The following FGF13 variants were observed in gnomAD, a reference collection of about 807,000 sequenced individuals.
FGF13 encodes fibroblast growth factor homologous factor 2.
A neutral mutation model predicts 19.5 loss-of-function variants in FGF13; 2 were observed. That is an observed-to-expected ratio of 0.10 (90% CI 0.04 to 0.32). The LOEUF (loss-of-function observed/expected upper bound fraction) is 0.32. Among genes scored for constraint, FGF13 ranks in the 10% least tolerant of loss-of-function variants. The pLI is 1.00. For synonymous variants in FGF13, 72 were observed against 76.9 expected, an observed-to-expected ratio of 0.94 and a Z score of 0.33; for missense variants, 113 against 192.7, an observed-to-expected ratio of 0.59 and a Z score of 2.45.
At chrX:138,719,884 T>C (rs750088180) in intron 1 of FGF13, among the ~76,000 whole-genome samples, 2 of 113,135 alleles carry the variant, frequency 1.8e-5, no homozygotes, top group Non-Finnish European at 3.7e-5. Context: ...TAGAAACTGA[T>C]TTCCTAACAG....
chrX:138,735,011 C>T (rs763088339), intron 1 of FGF13, among the ~76,000 whole-genome samples: 1 of 111,993 alleles, frequency 8.9e-6, no homozygotes, highest in African/African-American at 3.2e-5. Flanking sequence ...GCTTTGCTTA[C>T]AGAATAACAT....
At chrX:139,121,364 G>T (rs1344560473) in intron 1 of FGF13, among the ~76,000 whole-genome samples, 2 of 111,087 alleles carry the variant, frequency 1.8e-5, no homozygotes, top group African/African-American at 3.3e-5. Context: ...CTACCTATAC[G>T]ATCGTGAGCA....
chrX:138,914,016 C>T (rs2091605593), intron 1 of FGF13, among the ~76,000 whole-genome samples: 2 of 109,628 alleles, frequency 1.8e-5, no homozygotes, highest in Non-Finnish European at 3.8e-5. Flanking sequence ...AATTCCTCCC[C>T]TTCCGGGCCT....
chrX:138,666,736 A>G (rs775449689), intron 3 of FGF13, among the ~76,000 whole-genome samples: 3 of 111,278 alleles, frequency 2.7e-5, no homozygotes, highest in Non-Finnish European at 3.8e-5. Flanking sequence ...TTCAATTATC[A>G]TATATGAACA....
downstream of FGF13, chrX:138,857,492 C>G: frequency 8.6e-7 from 1 of 1,156,387 alleles, no homozygotes; most frequent in Admixed American, 2.6e-5. Context: ...AAGCAAAACA[C>G]GCGTCTGTCG....
rs186177975 is a variant in FGF13, at chrX:138,811,503, G to C, written c.217+46009C>G. Among the ~76,000 whole-genome samples, 12 of 110,585 alleles carry C rather than the reference G, an allele frequency of 1.1e-4. No homozygotes were observed. The East Asian group carries it at 3.4e-3, about 32-fold the overall frequency. On this transcript the variant is annotated intron_variant, in intron 3 of 6. Transcript: ENST00000436198. Reference sequence around the variant, plus strand: ...GAGATATACCTAATGTAAATGACGAGTTAATGGGTGCAGCACACCAACATG... The same window carrying C: ...GAGATATACCTAATGTAAATGACGACTTAATGGGTGCAGCACACCAACATG...
chrX:138,695,855 A>C (rs779828639), intron 3 of FGF13, among the ~76,000 whole-genome samples: 59 of 112,486 alleles, frequency 5.2e-4, no homozygotes, highest in African/African-American at 1.9e-3. Context: ...GTGTATAAGA[A>C]AAATGGAATA....
intron 3 of FGF13, chrX:138,806,629 C>G (rs2090870153): frequency 8.9e-6 from 1 of 112,064 alleles, no homozygotes; most frequent in African/African-American, 3.3e-5. Context: ...AATGTGGTCT[C>G]TATAAAACGC....
chrX:139,002,712 C>A (rs970482752), intron 1 of FGF13, among the ~76,000 whole-genome samples: 1 of 111,266 alleles, frequency 9.0e-6, no homozygotes, highest in African/African-American at 3.3e-5. Flanking sequence ...GGACACCAAT[C>A]AGAGTTGTGA....
intron 1 of FGF13, among the ~76,000 whole-genome samples, chrX:139,177,002 C>T (rs2084191986): frequency 9.0e-6 from 1 of 111,200 alleles, no homozygotes; most frequent in Non-Finnish European, 1.9e-5. Context: ...CTAATATTGA[C>T]AGTGAGGTGT....
intron 3 of FGF13, among the ~76,000 whole-genome samples, chrX:138,673,195 A>G (rs7061749): frequency 0.047 from 5,268 of 111,167 alleles, 279 homozygotes; most frequent in African/African-American, 0.16. Flanking sequence ...GGTAGCTGGT[A>G]AGGGATATGC....
intron 3 of FGF13, among the ~76,000 whole-genome samples, chrX:138,805,215 G>A (rs1480156029): frequency 9.0e-6 from 1 of 111,266 alleles, no homozygotes; most frequent in Non-Finnish European, 1.9e-5. Flanking sequence ...ATCTATATAT[G>A]GTAACTTGGG....
intron 1 of FGF13, among the ~76,000 whole-genome samples, chrX:138,721,002 C>T (rs2090143276): frequency 8.9e-6 from 1 of 112,024 alleles, no homozygotes. Flanking sequence ...CTTTTTCCTA[C>T]TGATCGCATT....
In FGF13 at chrX:139,013,505, AT is replaced by A. The variant is rs1483895213; in HGVS notation, c.-112-148856del. On this transcript the variant is annotated intron_variant, in intron 1 of 2. Transcript: ENST00000421460. Reference sequence around the variant, plus strand: ...TATATATATATATATATATATATATATATATATATATATATATATATATATA... The same window carrying A: ...TATATATATATATATATATATATATAATATATATATATATATATATATATA... Among the ~76,000 whole-genome samples, 13 of 82,677 alleles carry A rather than the reference AT, an allele frequency of 1.6e-4. No individual in the cohort carries two copies. The East Asian group carries it at 3.4e-3, about 22-fold the overall frequency. 71.8% of individuals were successfully genotyped at this position (82,677 alleles called of 115,157 possible).
chrX:138,867,781 A>AAATC (rs1302463748), intron 1 of FGF13, among the ~76,000 whole-genome samples: 4 of 88,610 alleles, frequency 4.5e-5, no homozygotes, highest in Non-Finnish European at 9.0e-5. Context: ...CACTGTCTCT[A>AAATC]AATCTATCTA....
At chrX:138,707,404 G>A (rs2090002688) in intron 2 of FGF13, among the ~76,000 whole-genome samples, 1 of 111,204 alleles carries the variant, frequency 9.0e-6, no homozygotes, top group Non-Finnish European at 1.9e-5. Context: ...TCATGAACTT[G>A]CCTTCAATAA....
At chrX:138,702,432 C>T (rs1285913465) in intron 3 of FGF13, among the ~76,000 whole-genome samples, 1 of 110,870 alleles carries the variant, frequency 9.0e-6, no homozygotes, top group Non-Finnish European at 1.9e-5. Context: ...TCTGTTCACT[C>T]CAAAGTTACA....
chrX:138,951,326 CA>C lies in FGF13; in HGVS notation c.-112-86677del, dbSNP rs1465722450. Among the ~76,000 whole-genome samples, 8 of 111,718 alleles carry C rather than the reference CA, an allele frequency of 7.2e-5. No homozygotes were observed. In the East Asian group the frequency reaches 2.2e-3, roughly 31 times the overall value. On this transcript the variant is annotated intron_variant, in intron 1 of 2. Transcript: ENST00000421460. ...TTAAAATGTAGGCTCTCGAAGAAAA[CA>C]AAGAAGAATATCTTCATGACCTTGG...
intron 1 of FGF13, among the ~76,000 whole-genome samples, chrX:138,890,045 C>T (rs1025865523): frequency 9.1e-6 from 1 of 109,677 alleles, no homozygotes; most frequent in Admixed American, 9.7e-5. Context: ...TCTCCTGCCT[C>T]GGCCTCCCAA....
Sources: gnomAD v4.1 joint callset for allele counts (sites outside exome capture counted in the v4.1 genomes callset) on GRCh38, gnomAD v4.1.1 for gene constraint, MANE v1.5 for transcripts, NCBI Gene and HGNC (gene_info 2026-07-23, HGNC 2026-07-21) for gene names.